Variants in KLHL8 observed in about 807,000 individuals in gnomAD.
The protein encoded by KLHL8 is kelch-like protein 8.
KLHL8 carries 38 observed loss-of-function variants against 63.5 expected under a neutral mutation model. That is an observed-to-expected ratio of 0.60 (90% confidence interval 0.46 to 0.78). The LOEUF (loss-of-function observed/expected upper bound fraction) is 0.78, where lower values mean the gene tolerates loss of function less well. Among genes scored for constraint, KLHL8 ranks in the 30% least tolerant of loss-of-function variants. The pLI, the probability that KLHL8 is intolerant of heterozygous loss-of-function variation, is 0.00. For synonymous variants in KLHL8, 224 were observed against 254.3 expected (o/e 0.88, Z 1.13); for missense variants, 566 against 752.4 (o/e 0.75, Z 2.90).
intron 1 of KLHL8, among the ~76,000 whole-genome samples, chr4:87,201,586 C>A (rs1312179628): frequency 1.3e-5 from 2 of 152,168 alleles, no homozygotes; most frequent in East Asian, 3.9e-4. Flanking sequence ...AATATACATT[C>A]TTTTCAAGTG....
chr4:87,170,331 AG>A, intron 7 of KLHL8, 93 bp from the exon 8 acceptor site: 1 of 1,441,392 alleles, frequency 6.9e-7, no homozygotes, highest in Non-Finnish European at 9.4e-7. Context: ...GCAGTATTTC[AG>A]GAAATAATAT....
chr4:87,195,051 T>C lies in KLHL8; in HGVS notation c.216+273A>G, dbSNP rs1343252395. On this transcript the variant is annotated intron_variant, in intron 2 of 9. Transcript: ENST00000273963. ...AATTTATTAATTTCACTAATAATATTTGTTGTTCTAGGGTTTCAGAACTCT... is the reference window on the plus strand; with the variant it reads ...AATTTATTAATTTCACTAATAATATCTGTTGTTCTAGGGTTTCAGAACTCT... Among the ~76,000 whole-genome samples the C allele has an allele frequency of 2.0e-5, 3 of 152,330 alleles. No individual in the cohort carries two copies. In the East Asian group the frequency reaches 5.8e-4, roughly 29 times the overall value.
At chr4:87,207,960 T>G in intron 1 of KLHL8, 1 of 810,684 alleles carries the variant, frequency 1.2e-6, no homozygotes, top group African/African-American at 1.7e-5. Flanking sequence ...ACACGCACTC[T>G]TCCACCTTCA....
At chr4:87,168,817 T>G (rs12641403) in intron 8 of KLHL8, among the ~76,000 whole-genome samples, 2 of 1,074 alleles carry the variant, frequency 1.9e-3, no homozygotes, top group African/African-American at 2.0e-3. Context: ...TACACACACA[T>G]ATATATATAT....
At chr4:87,164,976 G>C (rs565288259) in intron 8 of KLHL8, among the ~76,000 whole-genome samples, 1 of 151,572 alleles carries the variant, frequency 6.6e-6, no homozygotes, top group Non-Finnish European at 1.5e-5. Flanking sequence ...GTGAAACCCC[G>C]TCTCTACTAA....
intron 1 of KLHL8, among the ~76,000 whole-genome samples, chr4:87,238,138 G>C (rs1264822225): frequency 1.3e-5 from 2 of 151,990 alleles, no homozygotes; most frequent in Non-Finnish European, 2.9e-5. Flanking sequence ...GTTTCACCAT[G>C]TTGGCCAGGC....
rs1015725004 is a variant in KLHL8, at chr4:87,162,636, A to G, written c.*883T>C. On this transcript the variant is annotated 3_prime_UTR_variant, in exon 10 of 10. Coordinates refer to ENST00000273963, the MANE Select transcript of KLHL8 (RefSeq NM_020803.5). ...AGAGATGATAAATCTTGGATCCAAA[A>G]TCAAATGATCAAAGAAGACAGTTAA... The G allele has an allele frequency of 3.3e-5, 5 of 152,224 alleles. No individual in the cohort carries two copies. The East Asian group carries it at 9.6e-4, about 29-fold the overall frequency. 9.4% of individuals were successfully genotyped at this position (152,224 alleles called of 1,614,324 possible). A position where few individuals can be genotyped will look rare whatever the true frequency, so the allele number is the denominator to read the frequency against.
intron 2 of KLHL8, 128 bp from the exon 3 acceptor site, chr4:87,185,927 C>T: frequency 2.7e-6 from 2 of 730,734 alleles, no homozygotes; most frequent in South Asian, 4.1e-5. Context: ...TAAGGCGATC[C>T]TTTGATCACT....
intron 1 of KLHL8, chr4:87,207,837 A>G: frequency 7.0e-7 from 1 of 1,434,772 alleles, no homozygotes; most frequent in African/African-American, 1.4e-5. Flanking sequence ...ATCTGGAAAA[A>G]CCTGCCAAAT....
rs1731666707 is a variant in KLHL8, at chr4:87,195,636, A to C, written c.-97T>G. ...AAGGCAGAAGGTAGATGTAGACACTACAATTCAGACGTTTTTCAAAACCCA... is the reference window on the plus strand; with the variant it reads ...AAGGCAGAAGGTAGATGTAGACACTCCAATTCAGACGTTTTTCAAAACCCA... On this transcript the variant is annotated 5_prime_UTR_variant, in exon 2 of 10. Coordinates refer to ENST00000273963, the MANE Select transcript of KLHL8 (RefSeq NM_020803.5). The C allele has an allele frequency of 2.1e-6, 2 of 961,052 alleles. No individual in the cohort carries two copies. Among genetic ancestry groups the C allele is most frequent in the Non-Finnish European group, 3.2e-6 (2 of 629,248 alleles). The allele number at this position is 961,052 out of a possible 1,614,324, so 59.5% of individuals were successfully genotyped here. A position where few individuals can be genotyped will look rare whatever the true frequency, so the allele number is the denominator to read the frequency against.
chr4:87,191,858 T>C (rs1731505891), intron 2 of KLHL8, among the ~76,000 whole-genome samples: 1 of 151,564 alleles, frequency 6.6e-6, no homozygotes, highest in African/African-American at 2.4e-5. Flanking sequence ...TGGGAACAAG[T>C]GGTATTTGGT....
intron 8 of KLHL8, among the ~76,000 whole-genome samples, chr4:87,168,096 G>A (rs1388512373): frequency 6.6e-6 from 1 of 152,142 alleles, no homozygotes; most frequent in Admixed American, 6.5e-5. Context: ...CCTTTAGGTA[G>A]AACCATAGTT....
At chr4:87,175,923 A>G (rs546263991) in intron 6 of KLHL8, among the ~76,000 whole-genome samples, 83 of 152,334 alleles carry the variant, frequency 5.4e-4, no homozygotes, top group East Asian at 1.9e-3. Context: ...ATCTTATTTA[A>G]TAGCAAAACA....
At chr4:87,220,942 T>A (rs1158381102), upstream of KLHL8, 1 of 152,220 alleles carries the variant, frequency 6.6e-6, no homozygotes, top group Non-Finnish European at 1.5e-5. Flanking sequence ...GGGATTTATG[T>A]CTTTGAAAAA....
chr4:87,167,167 G>A (rs1343717864), intron 8 of KLHL8: 1 of 515,706 alleles, frequency 1.9e-6, no homozygotes, highest in East Asian at 4.7e-5. Context: ...GCAGAAGAAA[G>A]GAAACATTAC....
chr4:87,189,796 G>A (rs1054662462), intron 2 of KLHL8, among the ~76,000 whole-genome samples: 5 of 152,004 alleles, frequency 3.3e-5, no homozygotes, highest in Non-Finnish European at 5.9e-5. Flanking sequence ...GGGATCCACC[G>A]AGGAGGGCGG....
At chr4:87,200,512 G>A (rs1300964431) in intron 1 of KLHL8, among the ~76,000 whole-genome samples, 1 of 152,162 alleles carries the variant, frequency 6.6e-6, no homozygotes, top group African/African-American at 2.4e-5. Context: ...ATCTGGGGAT[G>A]TCTAACCTGC....
intron 3 of KLHL8, 141 bp downstream of exon 3, chr4:87,185,110 G>A (rs1386299743): frequency 1.2e-6 from 1 of 808,548 alleles, no homozygotes; most frequent in Admixed American, 3.0e-5. Flanking sequence ...AAATTAGAGA[G>A]CTAAAAGCCA....
chr4:87,236,610 C>T (rs1733234677), intron 1 of KLHL8, among the ~76,000 whole-genome samples: 1 of 148,946 alleles, frequency 6.7e-6, no homozygotes, highest in Non-Finnish European at 1.5e-5. Flanking sequence ...ACAGCCCAGA[C>T]TTTTATTCAT....
Sources: gnomAD v4.1 joint callset for allele counts (sites outside exome capture counted in the v4.1 genomes callset) on GRCh38, gnomAD v4.1.1 for gene constraint, MANE v1.5 for transcripts, NCBI Gene and HGNC (gene_info 2026-07-23, HGNC 2026-07-21) for gene names.